The following MAPK6 variants were observed in gnomAD, a reference collection of about 807,000 sequenced individuals.
MAPK6 encodes ERK-3.
MAPK6 carries 19 observed loss-of-function variants against 59.3 expected under a neutral mutation model. That is an observed-to-expected ratio of 0.32 (90% CI 0.22 to 0.47). The LOEUF is 0.47. MAPK6 is among the 20% of genes least tolerant of loss of function. The pLI is 1.00. For missense variants in MAPK6, 724 were observed against 847.9 expected, an observed-to-expected ratio of 0.85 and a Z score of 1.81; for synonymous variants, 316 against 290.3, an observed-to-expected ratio of 1.09 and a Z score of -0.90.
At chr15:52,057,734 G>A (rs1239552339) in intron 3 of MAPK6, among the ~76,000 whole-genome samples, 1 of 152,112 alleles carries the variant, frequency 6.6e-6, no homozygotes, top group Non-Finnish European at 1.5e-5. Flanking sequence ...TAGAGATGGG[G>A]TTTTACCATG....
rs539541621 is a variant in MAPK6, at chr15:51,990,859, C to T, written c.-770+7544C>T. ...GTCCCGGCTACTCGGGAGGCTGAGG[C>T]GGGAGAATGGCATGAACTCGGGAGG... is the stretch of plus-strand genomic sequence containing the variant. On this transcript the variant is annotated intron_variant, in intron 2 of 7. Transcript: ENST00000691380. Among the ~76,000 whole-genome samples, 6 of 152,188 alleles carry T rather than the reference C, an allele frequency of 3.9e-5. No homozygotes were observed. The South Asian group carries it at 8.3e-4, about 21-fold the overall frequency.
chr15:52,032,563 G>C (rs774291063), intron 1 of MAPK6, among the ~76,000 whole-genome samples: 6 of 152,124 alleles, frequency 3.9e-5, no homozygotes, highest in Non-Finnish European at 8.8e-5. Flanking sequence ...ATTCCTCTCT[G>C]TAGATCTGGG....
chr15:51,982,810 A>C (rs913749374), intron 1 of MAPK6, among the ~76,000 whole-genome samples: 1 of 152,224 alleles, frequency 6.6e-6, no homozygotes, highest in African/African-American at 2.4e-5. Context: ...TTACCTTTTA[A>C]GGAAATTTTT....
At chr15:52,051,211 C>A (rs555551539) in intron 3 of MAPK6, among the ~76,000 whole-genome samples, 4 of 152,070 alleles carry the variant, frequency 2.6e-5, no homozygotes, top group African/African-American at 9.7e-5. Flanking sequence ...GCGCCCGCCC[C>A]GTCGCCCGGC....
At chr15:52,048,389 C>T (rs528917462) in intron 2 of MAPK6, among the ~76,000 whole-genome samples, 1 of 152,116 alleles carries the variant, frequency 6.6e-6, no homozygotes, top group South Asian at 2.1e-4. Flanking sequence ...GAGGCTGAGG[C>T]AGGCGGATCA....
intron 1 of MAPK6, among the ~76,000 whole-genome samples, chr15:51,975,824 A>G (rs1428934919): frequency 6.6e-6 from 1 of 151,920 alleles, no homozygotes; most frequent in African/African-American, 2.4e-5. Flanking sequence ...CTATAGCAGT[A>G]AGTAAATACT....
intron 1 of MAPK6, among the ~76,000 whole-genome samples, chr15:51,979,169 A>AAAGG (rs1006720175): frequency 6.7e-6 from 1 of 149,104 alleles, no homozygotes; most frequent in Admixed American, 6.7e-5. Flanking sequence ...AGAAGGAAGG[A>AAAGG]AAGGAAGGAA....
chr15:52,024,952 C>T lies in MAPK6; in HGVS notation c.-632+5576C>T, dbSNP rs1178005221. On this transcript the variant is annotated intron_variant, in intron 1 of 5. Transcript: ENST00000261845. ...CCCATGCTCGTCTCAAACTCCTGGC[C>T]TCCTAACGTGCTGGGAAGAACCTGC... Among the ~76,000 whole-genome samples the T allele has an allele frequency of 2.7e-5, 4 of 149,096 alleles. No homozygotes were observed. In the Admixed American group the frequency reaches 2.8e-4, roughly 10 times the overall value.
intron 3 of MAPK6, among the ~76,000 whole-genome samples, chr15:52,055,425 G>C (rs1026378466): frequency 7.2e-5 from 11 of 152,188 alleles, no homozygotes; most frequent in African/African-American, 2.2e-4. Context: ...ACAAATTTAA[G>C]TCTATATAAT....
intron 3 of MAPK6, among the ~76,000 whole-genome samples, chr15:52,058,360 T>A (rs995170873): frequency 4.6e-5 from 7 of 152,178 alleles, no homozygotes; most frequent in Admixed American, 2.0e-4. Flanking sequence ...CAGTTGCTTT[T>A]TTTTTCACTA....
intron 3 of MAPK6, among the ~76,000 whole-genome samples, chr15:52,013,121 CCT>C (rs1048317522): frequency 2.2e-5 from 3 of 138,572 alleles, no homozygotes; most frequent in Non-Finnish European, 4.6e-5. Context: ...CTCAAGATTC[CCT>C]GTCATGCACT....
At chr15:51,971,963 C>T (rs1408044866) in intron 1 of MAPK6, among the ~76,000 whole-genome samples, 1 of 151,704 alleles carries the variant, frequency 6.6e-6, no homozygotes, top group African/African-American at 2.4e-5. Context: ...TGCCAGGATT[C>T]TTACCAGGGG....
intron 2 of MAPK6, among the ~76,000 whole-genome samples, chr15:51,995,380 CTGAT>C (rs1566895422): frequency 6.6e-6 from 1 of 152,168 alleles, no homozygotes; most frequent in African/African-American, 2.4e-5. Context: ...GAGTTGATGA[CTGAT>C]TGCTGTCTGC....
At chr15:52,036,934 T>C (rs2031261791) in intron 1 of MAPK6, among the ~76,000 whole-genome samples, 1 of 151,818 alleles carries the variant, frequency 6.6e-6, no homozygotes, top group South Asian at 2.1e-4. Context: ...CCTTCTTCAG[T>C]TTGGAGAAAA....
intron 2 of MAPK6, among the ~76,000 whole-genome samples, chr15:52,049,349 T>C (rs2031702955): frequency 7.8e-6 from 1 of 128,092 alleles, no homozygotes; most frequent in Non-Finnish European, 1.6e-5. Context: ...TAGAGTTATA[T>C]AATTTTTTTT....
chr15:52,043,846 C>T (rs185319070), intron 1 of MAPK6, among the ~76,000 whole-genome samples: 2 of 139,946 alleles, frequency 1.4e-5, no homozygotes, highest in Admixed American at 1.5e-4. Context: ...GCAACCTCTA[C>T]CTCCCTGCAA....
intron 3 of MAPK6, among the ~76,000 whole-genome samples, chr15:52,052,867 T>C (rs2031825009): frequency 6.6e-6 from 1 of 152,236 alleles, no homozygotes; most frequent in Admixed American, 6.5e-5. Flanking sequence ...CAAGTTTTTG[T>C]GTGAAAATAT....
chr15:51,992,303 A>ATTTTT (rs1388505754), intron 2 of MAPK6, among the ~76,000 whole-genome samples: 109 of 92,798 alleles, frequency 1.2e-3, no homozygotes, highest in Admixed American at 1.9e-3. Flanking sequence ...ATATATATAT[A>ATTTTT]TATTTTTTTT....
intron 2 of MAPK6, among the ~76,000 whole-genome samples, chr15:51,999,791 A>C (rs1355688917): frequency 6.6e-6 from 1 of 152,076 alleles, no homozygotes; most frequent in Non-Finnish European, 1.5e-5. Flanking sequence ...CTACAGGTGC[A>C]TGCCACCATG....
Sources: allele counts gnomAD v4.1 joint callset (sites outside exome capture counted in the v4.1 genomes callset), GRCh38; gene constraint gnomAD v4.1.1; transcripts MANE v1.5; gene names NCBI Gene and HGNC (gene_info 2026-07-23, HGNC 2026-07-21).